CDH13: variants seen among roughly 807,000 people sequenced by gnomAD.
CDH13 encodes cadherin 13, also known as cadherin-13.
A neutral mutation model predicts 63.8 loss-of-function variants in CDH13; 24 were observed. The observed-to-expected ratio is 0.38, with a 90% CI of 0.27 to 0.53. CDH13 has a LOEUF of 0.53. Among genes scored for constraint, CDH13 ranks in the 20% least tolerant of loss-of-function variants. CDH13 has a pLI of 0.85. For missense variants in CDH13, 1,049 were observed against 903.1 expected (o/e 1.16, Z -2.07); for synonymous variants, 503 against 355.3 (o/e 1.42, Z -4.67).
intron 1 of CDH13, among the ~76,000 whole-genome samples, chr16:82,710,995 C>T (rs1461274166): frequency 6.6e-6 from 1 of 151,310 alleles, no homozygotes; most frequent in African/African-American, 2.4e-5. Flanking sequence ...CAGAAAGAAG[C>T]TAGTCATCCA....
chr16:82,855,304 A>T (rs1289059269), intron 1 of CDH13, among the ~76,000 whole-genome samples: 1 of 152,194 alleles, frequency 6.6e-6, no homozygotes. Context: ...TCACCTGCAG[A>T]GTGCTGTTTC....
At chr16:82,984,741 T>G (rs541409470) in intron 2 of CDH13, among the ~76,000 whole-genome samples, 1 of 152,304 alleles carries the variant, frequency 6.6e-6, no homozygotes, top group South Asian at 2.1e-4. Flanking sequence ...AGCTGATATT[T>G]AAACCTAGGC....
intron 5 of CDH13, among the ~76,000 whole-genome samples, chr16:83,288,905 T>C (rs1418042066): frequency 1.3e-5 from 2 of 152,204 alleles, no homozygotes; most frequent in African/African-American, 4.8e-5. Flanking sequence ...CTTTTGAACA[T>C]TCGCCTGGAT....
chr16:83,371,053 C>T (rs183260441), intron 6 of CDH13, among the ~76,000 whole-genome samples: 367 of 152,146 alleles, frequency 2.4e-3, no homozygotes, highest in Non-Finnish European at 4.6e-3. Context: ...GGCAAGGTTG[C>T]AGAAAAAAAG....
At chr16:83,357,894 T>G (rs561896138) in intron 6 of CDH13, among the ~76,000 whole-genome samples, 1 of 152,288 alleles carries the variant, frequency 6.6e-6, no homozygotes, top group South Asian at 2.1e-4. Context: ...GGAGCTCGTT[T>G]TAACAGTGAG....
intron 4 of CDH13, among the ~76,000 whole-genome samples, chr16:83,146,206 AAAAAG>A (rs1444064889): frequency 5.3e-4 from 78 of 147,842 alleles, no homozygotes; most frequent in African/African-American, 1.7e-3. Context: ...AAAAAAAAAA[AAAAAG>A]AAAAGAAAAG....
intron 2 of CDH13, among the ~76,000 whole-genome samples, chr16:83,023,789 A>G (rs1212472129): frequency 6.6e-6 from 1 of 152,224 alleles, no homozygotes; most frequent in Non-Finnish European, 1.5e-5. Flanking sequence ...TGATGTCATC[A>G]CATGCACCCT....
chr16:82,797,639 C>A (rs1459940463), intron 1 of CDH13, among the ~76,000 whole-genome samples: 1 of 152,036 alleles, frequency 6.6e-6, no homozygotes, highest in African/African-American at 2.4e-5. Context: ...TTCTCATTTA[C>A]CTGTTTAGGA....
At chr16:82,627,340 G>T (rs1033373134) in intron 1 of CDH13, among the ~76,000 whole-genome samples, 1 of 32,972 alleles carries the variant, frequency 3.0e-5, no homozygotes, top group Admixed American at 3.5e-4. Flanking sequence ...TGGCGTGCGT[G>T]TGTGTGTGTG....
In CDH13 at chr16:82,828,316, A is replaced by G. The variant is rs527862985; in HGVS notation, c.46-30046A>G. 1.5e-3 allele frequency among the ~76,000 whole-genome samples: 225 copies of G among 152,240 alleles called. 1 individual carries two copies. Among genetic ancestry groups the G allele is most frequent in the Middle Eastern group, 3.4e-3 (1 of 294 alleles). ...TCCACATCTGCGGATTCAATGAACT[A>G]TGGATCAAAAGTATCCTCTGGCCGA... On this transcript the variant is annotated intron_variant, in intron 1 of 13. Coordinates refer to ENST00000567109, the MANE Select transcript of CDH13 (RefSeq NM_001257.5).
intron 1 of CDH13, among the ~76,000 whole-genome samples, chr16:82,833,480 A>G (rs2038632755): frequency 6.6e-6 from 1 of 152,216 alleles, no homozygotes; most frequent in African/African-American, 2.4e-5. Context: ...TTGCTGTGTG[A>G]TTCTGATCCC....
chr16:83,725,221 G>A (rs1910239737), intron 10 of CDH13, among the ~76,000 whole-genome samples: 3 of 152,326 alleles, frequency 2.0e-5, no homozygotes, highest in Admixed American at 2.0e-4. Context: ...GGATGTTCAG[G>A]CAGAGGAAAT....
chr16:83,405,585 A>G (rs1412824338), intron 6 of CDH13, among the ~76,000 whole-genome samples: 1 of 152,050 alleles, frequency 6.6e-6, no homozygotes, highest in Non-Finnish European at 1.5e-5. Flanking sequence ...TAGACTCCCG[A>G]CCTCCAGAAC....
chr16:83,134,377 A>G (rs746480791), intron 4 of CDH13, among the ~76,000 whole-genome samples: 12 of 151,926 alleles, frequency 7.9e-5, no homozygotes, highest in Admixed American at 2.6e-4. Context: ...TTTAGGAGAG[A>G]TGAGCTTTCA....
chr16:82,893,324 C>T (rs1386846430), intron 2 of CDH13, among the ~76,000 whole-genome samples: 3 of 151,480 alleles, frequency 2.0e-5, no homozygotes, highest in Middle Eastern at 3.4e-3. Context: ...GATAAAGGCA[C>T]TTTTAATATG....
At chr16:82,958,455 G>T (rs1481122375) in intron 2 of CDH13, among the ~76,000 whole-genome samples, 2 of 152,162 alleles carry the variant, frequency 1.3e-5, no homozygotes, top group Non-Finnish European at 2.9e-5. Context: ...CAGGGAGATG[G>T]CCCAGATAGA....
chr16:83,299,183 G>A (rs1438331994), intron 5 of CDH13, among the ~76,000 whole-genome samples: 1 of 151,452 alleles, frequency 6.6e-6, no homozygotes, highest in Non-Finnish European at 1.5e-5. Flanking sequence ...TCTGAATCAT[G>A]TATATTTTCA....
intron 2 of CDH13, among the ~76,000 whole-genome samples, chr16:82,903,374 C>A (rs1022378287): frequency 1.3e-5 from 2 of 152,128 alleles, no homozygotes; most frequent in Non-Finnish European, 2.9e-5. Context: ...GGTGTTTGAC[C>A]CTGTGAAGAG....
intron 6 of CDH13, among the ~76,000 whole-genome samples, chr16:83,473,038 A>T (rs1025951940): frequency 6.6e-6 from 1 of 152,174 alleles, no homozygotes; most frequent in South Asian, 2.1e-4. Context: ...AAGCTACCCC[A>T]GTCTGTGAGC....
Sources: gnomAD v4.1 joint callset for allele counts (sites outside exome capture counted in the v4.1 genomes callset) on GRCh38, gnomAD v4.1.1 for gene constraint, MANE v1.5 for transcripts, NCBI Gene and HGNC (gene_info 2026-07-23, HGNC 2026-07-21) for gene names.